SYT14: variants seen among roughly 807,000 people sequenced by gnomAD.
The protein encoded by SYT14 is synaptotagmin-14.
In SYT14, 32 loss-of-function variants were observed where a neutral mutation model predicts 74.2. The ratio of observed to expected loss-of-function variants is 0.43; its 90% CI spans 0.33 to 0.58. The LOEUF is 0.58. Ranked by LOEUF, SYT14 falls within the 20% of genes least tolerant of loss-of-function variation. The pLI, the probability that SYT14 is intolerant of heterozygous loss-of-function variation, is 0.05. For missense variants in SYT14, 791 were observed against 981.8 expected (o/e 0.81, Z 2.60); for synonymous variants, 298 against 337.7 (o/e 0.88, Z 1.29).
intron 7 of SYT14, among the ~76,000 whole-genome samples, chr1:210,109,191 A>G (rs2082213969): frequency 6.6e-6 from 1 of 152,208 alleles, no homozygotes; most frequent in South Asian, 2.1e-4. Flanking sequence ...CAACAAACGT[A>G]TGAAAAAAAG....
intron 2 of SYT14, among the ~76,000 whole-genome samples, chr1:209,990,820 C>T (rs1056887669): frequency 2.0e-5 from 3 of 151,678 alleles, no homozygotes; most frequent in South Asian, 2.1e-4. Context: ...GTCATTTCCT[C>T]GTTAGAAAAA....
exon 9 of SYT14, chr1:210,159,477 G>A: frequency 6.4e-7 from 1 of 1,551,346 alleles, no homozygotes; most frequent in Non-Finnish European, 8.7e-7. Flanking sequence ...TATAATCCGA[G>A]GTGAGTTCCT....
At position 210,013,723 on chromosome 1, in the gene SYT14, G is replaced by A. The variant is rs1000882435; in HGVS notation, c.-395G>A. 6 of 1,612,846 alleles carry A rather than the reference G, an allele frequency of 3.7e-6. No individual in the cohort carries two copies. The Admixed American group carries it at 6.7e-5, about 18-fold the overall frequency. On this transcript the variant is annotated 5_prime_UTR_variant, in exon 3 of 10. Coordinates refer to ENST00000637265, the Ensembl canonical transcript of SYT14. ...TTTCTCTATATTAATAAGAAGTTCT[G>A]TTTTGAAAATGTTGGCGGGTTTCCA...
intron 7 of SYT14, among the ~76,000 whole-genome samples, chr1:210,106,997 T>TA (rs1278314592): frequency 4.6e-5 from 7 of 152,176 alleles, no homozygotes; most frequent in Admixed American, 2.0e-4. Flanking sequence ...ATTGAGTAAA[T>TA]ACACCTGTTC....
intron 1 of SYT14, among the ~76,000 whole-genome samples, chr1:209,942,565 A>G (rs760745816): frequency 2.0e-5 from 3 of 152,164 alleles, no homozygotes; most frequent in Non-Finnish European, 4.4e-5. Flanking sequence ...CTTATCGCTC[A>G]TTAAGAGACT....
intron 1 of SYT14, among the ~76,000 whole-genome samples, chr1:209,944,701 A>C (rs1406263005): frequency 6.6e-6 from 1 of 152,000 alleles, no homozygotes; most frequent in African/African-American, 2.4e-5. Flanking sequence ...AAGGAATTCC[A>C]ATTTGGGAGG....
chr1:210,159,440 A>G (rs1326855880), exon 9 of SYT14: 4 of 1,551,442 alleles, frequency 2.6e-6, no homozygotes, highest in Admixed American at 2.0e-5. Context: ...TCTGTTGTCT[A>G]AAACACTTGA....
At chr1:210,159,362 A>G in intron 8 of SYT14, 59 bp from the exon 8 acceptor site, 4 of 1,494,986 alleles carry the variant, frequency 2.7e-6, no homozygotes, top group Non-Finnish European at 2.7e-6. Context: ...ACCCTCTTTC[A>G]CCCAACGATT....
At chr1:210,096,063 A>G (rs550739736) in intron 6 of SYT14, among the ~76,000 whole-genome samples, 1 of 152,334 alleles carries the variant, frequency 6.6e-6, no homozygotes, top group Admixed American at 6.5e-5. Flanking sequence ...TAGTCTGCTC[A>G]TTTAATTCTA....
intron 2 of SYT14, among the ~76,000 whole-genome samples, chr1:209,954,419 T>G (rs772184687): frequency 6.6e-6 from 1 of 152,194 alleles, no homozygotes; most frequent in African/African-American, 2.4e-5. Context: ...TGTCTTCCGT[T>G]TATCTACAGA....
At chr1:210,133,797 A>G (rs186938479) in intron 7 of SYT14, among the ~76,000 whole-genome samples, 3 of 149,846 alleles carry the variant, frequency 2.0e-5, no homozygotes, top group East Asian at 1.9e-4. Flanking sequence ...TTGAGAACCT[A>G]GCCCAAAAGA....
intron 5 of SYT14, among the ~76,000 whole-genome samples, chr1:210,086,432 TA>T (rs1467174439): frequency 1.3e-5 from 2 of 152,236 alleles, no homozygotes; most frequent in Non-Finnish European, 2.9e-5. Context: ...TTACTATATT[TA>T]TTTTGAGCTC....
At chr1:210,105,216 T>C (rs1263644683) in intron 7 of SYT14, among the ~76,000 whole-genome samples, 3 of 152,206 alleles carry the variant, frequency 2.0e-5, no homozygotes, top group African/African-American at 4.8e-5. Context: ...AGTTTGTGAA[T>C]CACTGCTTTT....
intron 5 of SYT14, among the ~76,000 whole-genome samples, chr1:210,077,051 A>G (rs919802756): frequency 4.6e-5 from 7 of 152,184 alleles, no homozygotes; most frequent in African/African-American, 1.4e-4. Context: ...TAGTGTTACC[A>G]TAAGGAAATA....
intron 5 of SYT14, among the ~76,000 whole-genome samples, chr1:210,036,895 T>C (rs227192): frequency 0.11 from 16,090 of 152,102 alleles, 1,164 homozygotes; most frequent in Non-Finnish European, 0.14. Context: ...TAGTTTTCTT[T>C]TTTCATTATG....
chr1:210,017,341 C>T (rs1240734420), intron 4 of SYT14, among the ~76,000 whole-genome samples: 1 of 152,080 alleles, frequency 6.6e-6, no homozygotes, highest in Admixed American at 6.5e-5. Context: ...ATTTGGCCAA[C>T]TTTTCAGCAG....
intron 7 of SYT14, among the ~76,000 whole-genome samples, chr1:210,114,913 A>C (rs2082329461): frequency 6.6e-6 from 1 of 151,008 alleles, no homozygotes; most frequent in South Asian, 2.1e-4. Flanking sequence ...GGGTCCATAG[A>C]AAAGGAAGAT....
intron 1 of SYT14, among the ~76,000 whole-genome samples, chr1:209,950,844 T>C (rs1411544853): frequency 6.6e-6 from 1 of 152,152 alleles, no homozygotes; most frequent in African/African-American, 2.4e-5. Context: ...ATATTTTCAT[T>C]ATGGAAAGTT....
chr1:210,067,472 A>G (rs748997831), intron 5 of SYT14, among the ~76,000 whole-genome samples: 15 of 151,970 alleles, frequency 9.9e-5, no homozygotes, highest in East Asian at 5.8e-4. Flanking sequence ...ATTTCTTTCA[A>G]CGATGTTTTT....
Sources: gnomAD v4.1 joint callset for allele counts (sites outside exome capture counted in the v4.1 genomes callset) on GRCh38, gnomAD v4.1.1 for gene constraint, MANE v1.5 for transcripts, NCBI Gene and HGNC (gene_info 2026-07-23, HGNC 2026-07-21) for gene names.